DAPK3: variants seen among roughly 807,000 people sequenced by gnomAD.
DAPK3 encodes death-associated protein kinase 3.
Under a neutral mutation model 30.6 loss-of-function variants are expected in DAPK3, and 24 were observed. The observed-to-expected ratio is 0.78, with a 90% CI of 0.57 to 1.10. The LOEUF is 1.10. Ranked by LOEUF, DAPK3 falls within the 50% of genes least tolerant of loss-of-function variation. The probability of loss-of-function intolerance (pLI) is 0.00; values close to 1 mark genes in which losing one functional copy is unlikely to be tolerated. For synonymous variants in DAPK3, 341 were observed against 284.0 expected, an observed-to-expected ratio of 1.20 and a Z score of -2.02; for missense variants, 629 against 657.3, an observed-to-expected ratio of 0.96 and a Z score of 0.47.
At chr19:3,960,415 G>A (rs1389326884) in intron 7 of DAPK3, among the ~76,000 whole-genome samples, 3 of 152,158 alleles carry the variant, frequency 2.0e-5, no homozygotes, top group Admixed American at 6.6e-5. Flanking sequence ...AGGAAAACAA[G>A]TGACCTGGAA....
At chr19:3,968,418 T>C (rs1220597889) in intron 2 of DAPK3, among the ~76,000 whole-genome samples, 1 of 150,914 alleles carries the variant, frequency 6.6e-6, no homozygotes, top group African/African-American at 2.4e-5. Context: ...GAGGCTGCAA[T>C]GAGTCGAGAT....
rs376921546 is a variant in DAPK3, at chr19:3,959,154, C to A, written c.1312G>T (p.Val438Leu). The A allele has an allele frequency of 1.1e-5, 17 of 1,588,310 alleles. No individual in the cohort carries two copies. Among genetic ancestry groups the A allele is most frequent in the Non-Finnish European group, 1.5e-5 (17 of 1,171,968 alleles). The change falls in exon 9 of 9, where the codon GTG becomes TTG. Residue 438 changes from valine (V) to leucine (L), a missense_variant. Transcript: ENST00000545797. ...AGCTTCTCCTGCTCCAGGGCGCGCA[C>A]GAGGTCCTGCACGAAGCGCATCTCG... ...ASEMRFVQDL[V>L]RALEQEKLQG...
At chr19:3,961,591 A>G (rs942482446) in intron 6 of DAPK3, 6 of 465,390 alleles carry the variant, frequency 1.3e-5, no homozygotes, top group East Asian at 6.9e-5. Flanking sequence ...AGGGTGACAC[A>G]GCATCATCCC....
intron 5 of DAPK3, 72 bp from the exon 6 acceptor site, chr19:3,963,741 C>G (rs1394945221): frequency 1.5e-6 from 2 of 1,347,986 alleles, no homozygotes; most frequent in African/African-American, 1.4e-5. Context: ...TGGCGTCCAG[C>G]GCCCCTGTTC....
Position 3,961,158 on chromosome 19 carries a change from C to T in DAPK3, c.633G>A (p.Leu211=). ...CGCCCAGGAACGGGGATGCACCGCT[C>T]AGGCTGCGAGACAGGCGTGGGGGCT... ...WSIGVITYIL[L]SGASPFLGET... is the part of the protein sequence containing the mutation. The change falls in exon 7 of 9, where the codon CTG becomes CTA. Residue 211 remains leucine (L), a synonymous_variant. Coordinates refer to ENST00000545797, the MANE Select transcript of DAPK3 (RefSeq NM_001348.3). 6.2e-7 allele frequency: 1 copy of T among 1,612,008 alleles called. No individual in the cohort carries two copies. The highest frequency in any genetic ancestry group is 8.5e-7 in the Non-Finnish European group (1 of 1,179,438).
intron 7 of DAPK3, among the ~76,000 whole-genome samples, chr19:3,960,687 G>A (rs1339260257): frequency 6.7e-6 from 1 of 149,954 alleles, no homozygotes; most frequent in Admixed American, 6.8e-5. Context: ...GCTAACGCAG[G>A]AGAATAGCCT....
rs530534442 is a variant in DAPK3 at position 3,968,420 on chromosome 19, A to C, written c.62+1254T>G. Reference sequence around the variant, plus strand: ...TAGGCTGGAGGCCGAGGCTGCAATGAGTCGAGATCGCATCACTGCACTCCA... The same window carrying C: ...TAGGCTGGAGGCCGAGGCTGCAATGCGTCGAGATCGCATCACTGCACTCCA... On this transcript the variant is annotated intron_variant, in intron 2 of 8. Coordinates refer to ENST00000545797, the MANE Select transcript of DAPK3 (RefSeq NM_001348.3). Among the ~76,000 whole-genome samples, 3 of 151,956 alleles carry C rather than the reference A, an allele frequency of 2.0e-5. No homozygotes were observed. In the South Asian group the frequency reaches 6.2e-4, roughly 32 times the overall value.
In DAPK3 at chr19:3,959,277, C is replaced by T. The variant is rs1319192704; in HGVS notation, c.1189G>A (p.Glu397Lys). 1 of 1,597,738 alleles carries T rather than the reference C, an allele frequency of 6.3e-7. No homozygotes were observed. Among genetic ancestry groups the T allele is most frequent in the East Asian group, 2.2e-5 (1 of 44,686 alleles). The change falls in exon 9 of 9, where the codon GAG becomes AAG. Residue 397 changes from glutamate (E) to lysine (K), a missense_variant. Glu to Lys is a moderately conservative substitution (Grantham distance 56, BLOSUM62 1). Coordinates refer to ENST00000545797, the MANE Select transcript of DAPK3 (RefSeq NM_001348.3). Reference sequence around the variant, plus strand: ...CCCAGCAGCGCGCCCTTGGCCTCCTCCTGCGCCTGCCGCTTGAGCGCCTCG... The same window carrying T: ...CCCAGCAGCGCGCCCTTGGCCTCCTTCTGCGCCTGCCGCTTGAGCGCCTCG... ...KTEALKRQAQ[E>K]EAKGALLGTS...
rs530675772 is a variant in DAPK3 at position 3,963,505 on chromosome 19, G to C, written c.629+138C>G. 3 of 548,886 alleles carry C rather than the reference G, an allele frequency of 5.5e-6. No individual in the cohort carries two copies. In the African/African-American group the frequency reaches 5.9e-5, roughly 11 times the overall value. 34.0% of individuals were successfully genotyped at this position (548,886 alleles called of 1,614,324 possible). On this transcript the variant is annotated intron_variant, in intron 6 of 8. Transcript: ENST00000545797. The stretch of plus-strand genomic sequence containing the variant: ...AGCAGCCACAGAGAATCACTCATCC[G>C]TTCACCCGGTATCCCCTGAGTACCC...
Position 3,969,869 on chromosome 19 carries a change from C to CACCA in DAPK3, c.-94-44_-94-41dup, listed in dbSNP as rs1243323003. 4.6e-6 allele frequency: 3 copies of CACCA among 652,778 alleles called. No individual in the cohort carries two copies. In the African/African-American group the frequency reaches 5.4e-5, roughly 12 times the overall value. 40.4% of individuals were successfully genotyped at this position (652,778 alleles called of 1,614,324 possible). A position where few individuals can be genotyped will look rare whatever the true frequency, so the allele number is the denominator to read the frequency against. On this transcript the variant is annotated intron_variant, in intron 1 of 8. Transcript: ENST00000545797. ...GAAAGACAGAAGTGAGGAACTGAGA[C>CACCA]ACCACCCTTTTCTCCTAGATTAATG...
rs56251209 is a variant in DAPK3, at chr19:3,959,446, G to T, written c.1020C>A (p.Arg340=). Residue 340 remains arginine (R), a synonymous_variant, in exon 9 of 9, where the codon CGC becomes CGA. Coordinates refer to ENST00000545797, the MANE Select transcript of DAPK3 (RefSeq NM_001348.3). ...EEAAAAEEGL[R]ELQRSRRLCH... is the part of the protein sequence containing the mutation. ...AGAGCCGCCGGCTGCGCTGCAGCTCGCGCAGGCCCTCCTCGGCGGCCGCCG... is the reference window on the plus strand; with the variant it reads ...AGAGCCGCCGGCTGCGCTGCAGCTCTCGCAGGCCCTCCTCGGCGGCCGCCG... 6.5e-7 allele frequency: 1 copy of T among 1,548,650 alleles called. No individual in the cohort carries two copies. Among genetic ancestry groups the T allele is most frequent in the African/African-American group, 1.4e-5 (1 of 73,852 alleles).
intron 6 of DAPK3, among the ~76,000 whole-genome samples, chr19:3,963,390 G>A (rs1218248329): frequency 6.6e-6 from 1 of 152,064 alleles, no homozygotes; most frequent in African/African-American, 2.4e-5. Context: ...GCAGCCAGAG[G>A]GACAGGAGCA....
At position 3,958,476 on chromosome 19, in the gene DAPK3, T is replaced by C. The variant is rs1002899917; in HGVS notation, c.*625A>G. 1.1e-5 allele frequency: 5 copies of C among 456,296 alleles called. No homozygotes were observed. The Admixed American group carries it at 1.2e-4, about 11-fold the overall frequency. The allele number at this position is 456,296 out of a possible 1,614,324, so 28.3% of individuals were successfully genotyped here. On this transcript the variant is annotated 3_prime_UTR_variant, in exon 9 of 9. Coordinates refer to ENST00000545797, the MANE Select transcript of DAPK3 (RefSeq NM_001348.3). ...CGTATCTGGAAGCCAGTATTTTATT[T>C]CTCTTGGCTGCAGAGGGCCGCTCTT...
rs914694671 is a variant in DAPK3 at position 3,959,046 on chromosome 19, C to A, written c.*55G>T. ...GGAGGCGCAGCGTCCACAGGAAGCG[C>A]CCCCACCGCAGGCCGAGCTCCGGCT... On this transcript the variant is annotated 3_prime_UTR_variant, in exon 9 of 9. Transcript: ENST00000545797. The A allele has an allele frequency of 1.7e-6, 2 of 1,189,676 alleles. No homozygotes were observed. The highest frequency in any genetic ancestry group is 1.6e-5 in the South Asian group (1 of 63,030). The allele number at this position is 1,189,676 out of a possible 1,614,324, so 73.7% of individuals were successfully genotyped here. A position where few individuals can be genotyped will look rare whatever the true frequency, so the allele number is the denominator to read the frequency against.
Position 3,969,826 on chromosome 19 carries a change from A to C in DAPK3, c.-91T>G. The stretch of plus-strand genomic sequence containing the variant: ...AGGACCTCAGGAGTCCCCTAATGGC[A>C]ACCCTGGAGAAGACAGGGAAAGACA... On this transcript the variant is annotated 5_prime_UTR_variant, in exon 2 of 9. Coordinates refer to ENST00000545797, the MANE Select transcript of DAPK3 (RefSeq NM_001348.3). 1 of 830,480 alleles carries C rather than the reference A, an allele frequency of 1.2e-6. No homozygotes were observed. Among genetic ancestry groups the C allele is most frequent in the Non-Finnish European group, 2.0e-6 (1 of 489,574 alleles). The allele number at this position is 830,480 out of a possible 1,614,324, so 51.4% of individuals were successfully genotyped here.
Position 3,963,993 on chromosome 19 carries a change from G to C in DAPK3, c.554-74C>G, listed in dbSNP as rs2039546732. 2.9e-6 allele frequency: 3 copies of C among 1,023,074 alleles called. No homozygotes were observed. The Admixed American group carries it at 5.8e-5, about 20-fold the overall frequency. The allele number at this position is 1,023,074 out of a possible 1,614,324, so 63.4% of individuals were successfully genotyped here. ...GGAAGAGGCTCAAGACACAGGCATG[G>C]GGTCAAGGTTCTCACATGTCGCAGC... On this transcript the variant is annotated intron_variant, in intron 4 of 8. Transcript: ENST00000545797.
chr19:3,960,983 C>G (rs1163464899), intron 7 of DAPK3, 26 bp downstream of exon 7: 2 of 1,611,158 alleles, frequency 1.2e-6, no homozygotes, highest in East Asian at 4.5e-5. Flanking sequence ...ATGTCCCACC[C>G]CGTGCCCCCT....
Position 3,959,522 on chromosome 19 carries a change from G to A in DAPK3, c.944C>T (p.Pro315Leu), listed in dbSNP as rs2145327663. Residue 315 changes from proline (P) to leucine (L), a missense_variant, in exon 9 of 9, where the codon CCC (proline) becomes CTC (leucine). Physicochemically the swap from Pro to Leu is moderately conservative, Grantham distance 98 (BLOSUM62 -3). This residue lies in a region of DAPK3 where 323 missense variants were observed against 278.8 expected (regional missense o/e 1.16). Transcript: ENST00000545797. ...CTCGAAGTCGGCGTAGCTGTTGTTG[G>A]GCGGCAAGCTGGAGTGCGACTTGAT... is the stretch of plus-strand genomic sequence containing the variant. ...YTIKSHSSLP[P>L]NNSYADFERF... 1 of 1,570,346 alleles carries A rather than the reference G, an allele frequency of 6.4e-7. No homozygotes were observed. Among genetic ancestry groups the A allele is most frequent in the Non-Finnish European group, 8.6e-7 (1 of 1,166,264 alleles).
intron 8 of DAPK3, 172 bp from the exon 9 acceptor site, chr19:3,959,809 G>T: frequency 1.3e-6 from 1 of 781,402 alleles, no homozygotes; most frequent in African/African-American, 1.7e-5. Context: ...CGAGAAAAAC[G>T]CTGCGGCCCT....
Sources: gnomAD v4.1 joint callset for allele counts (sites outside exome capture counted in the v4.1 genomes callset) on GRCh38, gnomAD v4.1.1 for gene constraint, gnomAD v4.1.1 regional missense constraint, MANE v1.5 for transcripts, NCBI Gene and HGNC (gene_info 2026-07-23, HGNC 2026-07-21) for gene names.